The following SIMC1 variants were observed in gnomAD, a reference collection of about 807,000 sequenced individuals.
SIMC1 encodes SUMO interacting motifs containing 1.
Under a neutral mutation model 82.3 loss-of-function variants are expected in SIMC1, and 55 were observed. The observed-to-expected ratio is 0.67, with a 90% CI of 0.54 to 0.84. The LOEUF (loss-of-function observed/expected upper bound fraction) is 0.84, where lower values mean the gene tolerates loss of function less well. Ranked by LOEUF, SIMC1 falls within the 40% of genes least tolerant of loss-of-function variation. SIMC1 has a pLI of 0.00. For synonymous variants in SIMC1, 353 were observed against 426.3 expected (o/e 0.83, Z 2.12); for missense variants, 915 against 1,107.2 (o/e 0.83, Z 2.46).
intron 9 of SIMC1, among the ~76,000 whole-genome samples, chr5:176,340,104 A>G (rs1766064389): frequency 6.6e-6 from 1 of 152,244 alleles, no homozygotes; most frequent in Admixed American, 6.5e-5. Context: ...ATGGAGGAAG[A>G]AAGGAAAAGA....
At chr5:176,332,211 A>T (rs2113396832) in intron 7 of SIMC1, among the ~76,000 whole-genome samples, 1 of 151,548 alleles carries the variant, frequency 6.6e-6, no homozygotes, top group East Asian at 1.9e-4. Flanking sequence ...TTGATTGAAG[A>T]TTTTCTATTA....
At chr5:176,249,157 G>C (rs1761556995) in intron 1 of SIMC1, among the ~76,000 whole-genome samples, 1 of 152,084 alleles carries the variant, frequency 6.6e-6, no homozygotes, top group African/African-American at 2.4e-5. Flanking sequence ...CTATTGTTTG[G>C]AATCATTTCA....
At chr5:176,311,809 T>C (rs1163189460) in intron 4 of SIMC1, among the ~76,000 whole-genome samples, 3 of 152,260 alleles carry the variant, frequency 2.0e-5, no homozygotes, top group South Asian at 4.1e-4. Flanking sequence ...TATGTAGTTA[T>C]AACATTTAGA....
intron 4 of SIMC1, among the ~76,000 whole-genome samples, chr5:176,311,868 T>C (rs372426770): frequency 1.3e-5 from 2 of 152,310 alleles, no homozygotes; most frequent in African/African-American, 2.4e-5. Flanking sequence ...GCCTTGACGA[T>C]GTAAAACGGA....
intron 1 of SIMC1, among the ~76,000 whole-genome samples, chr5:176,261,910 G>T (rs1469526408): frequency 6.6e-5 from 10 of 152,186 alleles, no homozygotes; most frequent in Non-Finnish European, 2.9e-5. Context: ...AGGAAGAAAT[G>T]ATAAAAATTC....
chr5:176,297,824 G>T (rs1307857880), intron 4 of SIMC1, among the ~76,000 whole-genome samples: 1 of 152,096 alleles, frequency 6.6e-6, no homozygotes, highest in African/African-American at 2.4e-5. Context: ...TATATCAAAG[G>T]AATGAGGAAG....
chr5:176,299,144 A>C (rs1763937620), intron 4 of SIMC1, among the ~76,000 whole-genome samples: 1 of 152,246 alleles, frequency 6.6e-6, no homozygotes, highest in African/African-American at 2.4e-5. Context: ...CTGTAATTCC[A>C]GCACTTTGGG....
At chr5:176,322,527 C>T (rs1581312709) in intron 6 of SIMC1, 102 bp downstream of exon 6, 2 of 1,332,042 alleles carry the variant, frequency 1.5e-6, no homozygotes, top group African/African-American at 1.5e-5. Context: ...TTAACAAGAT[C>T]TTAGAACATA....
chr5:176,272,173 A>C (rs1178074317), intron 1 of SIMC1, among the ~76,000 whole-genome samples: 3 of 70,202 alleles, frequency 4.3e-5, no homozygotes, highest in Admixed American at 1.6e-4. Context: ...CCATCTCTAC[A>C]AAAAAAAAAA....
intron 4 of SIMC1, among the ~76,000 whole-genome samples, chr5:176,302,443 C>T (rs1399504747): frequency 6.6e-6 from 1 of 152,076 alleles, no homozygotes; most frequent in Non-Finnish European, 1.5e-5. Context: ...TGTGAAAAGC[C>T]CACAGTTGGC....
intron 4 of SIMC1, among the ~76,000 whole-genome samples, chr5:176,304,948 G>C (rs1172582304): frequency 1.1e-5 from 1 of 90,930 alleles, no homozygotes; most frequent in African/African-American, 4.1e-5. Context: ...CCCTCTGCCT[G>C]GCAACCACCC....
intron 4 of SIMC1, among the ~76,000 whole-genome samples, chr5:176,302,594 GAAAGGGAGAAGTAAAATATCTTTGT>G (rs1764088270): frequency 6.6e-6 from 1 of 151,976 alleles, no homozygotes; most frequent in Admixed American, 6.6e-5. Context: ...ATCCAAATTA[GAAAGGGAGAAGTAAAATATCTTTGT>G]TCACAGGTGA....
intron 4 of SIMC1, among the ~76,000 whole-genome samples, chr5:176,302,582 G>T (rs2113301619): frequency 6.6e-6 from 1 of 151,972 alleles, no homozygotes; most frequent in East Asian, 1.9e-4. Context: ...GAAATAAAGG[G>T]CATCCAAATT....
chr5:176,252,508 C>T (rs1455633385), intron 1 of SIMC1, among the ~76,000 whole-genome samples: 15 of 149,144 alleles, frequency 1.0e-4, no homozygotes, highest in South Asian at 4.3e-4. Flanking sequence ...GACGGGGTGG[C>T]GGGGCAGAGG....
intron 7 of SIMC1, among the ~76,000 whole-genome samples, chr5:176,330,416 AG>A (rs1418816548): frequency 5.2e-4 from 78 of 148,680 alleles, no homozygotes; most frequent in African/African-American, 1.8e-3. Context: ...AAAAAAAAAA[AG>A]GGAACCAGAA....
intron 1 of SIMC1, among the ~76,000 whole-genome samples, chr5:176,275,002 A>G (rs983047594): frequency 2.0e-5 from 3 of 151,684 alleles, no homozygotes; most frequent in Admixed American, 6.6e-5. Flanking sequence ...AGTTTTTCCA[A>G]TTCTGTGAAG....
intron 7 of SIMC1, among the ~76,000 whole-genome samples, chr5:176,333,539 CCT>C (rs1259528683): frequency 6.6e-6 from 1 of 151,770 alleles, no homozygotes; most frequent in African/African-American, 2.4e-5. Flanking sequence ...AAGTGATTCT[CCT>C]GTCTCACCCT....
chr5:176,246,572 G>A (rs1156544580), intron 1 of SIMC1, among the ~76,000 whole-genome samples: 2 of 151,464 alleles, frequency 1.3e-5, no homozygotes, highest in Non-Finnish European at 2.9e-5. Context: ...CGAGTAGCTG[G>A]GATTACAGGC....
At chr5:176,253,026 G>T (rs1003124643) in intron 1 of SIMC1, among the ~76,000 whole-genome samples, 5 of 152,220 alleles carry the variant, frequency 3.3e-5, no homozygotes, top group Non-Finnish European at 5.9e-5. Context: ...GCAATCGCAG[G>T]CACTCAGCAG....
Sources: allele counts gnomAD v4.1 joint callset (sites outside exome capture counted in the v4.1 genomes callset), GRCh38; gene constraint gnomAD v4.1.1; transcripts MANE v1.5; gene names NCBI Gene and HGNC (gene_info 2026-07-23, HGNC 2026-07-21).